PSPC1: variants seen among roughly 807,000 people sequenced by gnomAD.
The protein encoded by PSPC1 is paraspeckle protein 1.
A neutral mutation model predicts 51.6 loss-of-function variants in PSPC1; 14 were observed. The observed-to-expected ratio is 0.27, with a 90% CI of 0.18 to 0.42. The LOEUF is 0.42. PSPC1 is among the 10% of genes least tolerant of loss of function. The probability of loss-of-function intolerance (pLI) is 1.00; values close to 1 mark genes in which losing one functional copy is unlikely to be tolerated. For missense variants in PSPC1, 406 were observed against 701.1 expected (o/e 0.58, Z 4.75); for synonymous variants, 193 against 231.9 (o/e 0.83, Z 1.53).
At chr13:19,722,646 T>C (rs1882909555) in intron 6 of PSPC1, among the ~76,000 whole-genome samples, 1 of 151,230 alleles carries the variant, frequency 6.6e-6, no homozygotes, top group African/African-American at 2.4e-5. Context: ...ATACAAAAAT[T>C]AGCTGGGCAT....
chr13:19,688,112 G>A (rs1238966980), intron 6 of PSPC1, among the ~76,000 whole-genome samples: 3 of 151,860 alleles, frequency 2.0e-5, no homozygotes, highest in African/African-American at 7.3e-5. Context: ...CTTTTGTTCT[G>A]AATGGTCGTC....
intron 6 of PSPC1, among the ~76,000 whole-genome samples, chr13:19,684,930 A>T (rs1357600761): frequency 6.6e-6 from 1 of 152,270 alleles, no homozygotes; most frequent in Non-Finnish European, 1.5e-5. Context: ...ATAGAATGAC[A>T]ACACATCTTC....
intron 6 of PSPC1, among the ~76,000 whole-genome samples, chr13:19,683,121 T>C (rs1877468151): frequency 6.6e-6 from 1 of 150,668 alleles, no homozygotes; most frequent in African/African-American, 2.4e-5. Flanking sequence ...ACTCTAAGAG[T>C]TTCTAAGAAA....
chr13:19,737,313 C>T (rs990434285), intron 5 of PSPC1: 1 of 152,126 alleles, frequency 6.6e-6, no homozygotes, highest in Non-Finnish European at 1.5e-5. Context: ...TGCATTTAGT[C>T]GTTATTTCTC....
At chr13:19,764,890 T>C (rs1566043839) in intron 2 of PSPC1, among the ~76,000 whole-genome samples, 1 of 151,918 alleles carries the variant, frequency 6.6e-6, no homozygotes. Context: ...TGCACCACCA[T>C]GCTTAGCTAA....
chr13:19,764,208 C>G (rs191568123), intron 2 of PSPC1, among the ~76,000 whole-genome samples: 1 of 152,216 alleles, frequency 6.6e-6, no homozygotes, highest in East Asian at 1.9e-4. Flanking sequence ...GAGAGGAGCT[C>G]TGATCACATT....
chr13:19,694,306 T>C (rs1878956469), intron 6 of PSPC1, among the ~76,000 whole-genome samples: 1 of 151,930 alleles, frequency 6.6e-6, no homozygotes, highest in Non-Finnish European at 1.5e-5. Context: ...AAAATTAAAA[T>C]GTGACTAAAT....
At chr13:19,682,535 AAG>A (rs1466235287) in intron 6 of PSPC1, among the ~76,000 whole-genome samples, 29 of 151,574 alleles carry the variant, frequency 1.9e-4, no homozygotes, top group Non-Finnish European at 1.3e-4. Context: ...TCAACATCAG[AAG>A]TTATCGGAAA....
Position 19,741,242 on chromosome 13 carries a change from A to T in PSPC1, c.1052+323T>A, listed in dbSNP as rs575204571. Among the ~76,000 whole-genome samples the T allele has an allele frequency of 3.2e-4, 49 of 152,324 alleles. 1 individual carries two copies. Among genetic ancestry groups the T allele is most frequent in the African/African-American group, 1.1e-3 (46 of 41,580 alleles). On this transcript the variant is annotated intron_variant, in intron 5 of 8. Transcript: ENST00000338910. ...AAAGATATTCATAGTAGAGTTTTAC[A>T]CATAACAAAATAAATAAGAGCAACG...
chr13:19,672,040 C>CT, downstream of PSPC1: 1 of 666,034 alleles, frequency 1.5e-6, no homozygotes, highest in Non-Finnish European at 2.6e-6. Flanking sequence ...ATAGCTGTGT[C>CT]TGTGCCAGTA....
intron 6 of PSPC1, among the ~76,000 whole-genome samples, chr13:19,681,223 A>G (rs1877237368): frequency 6.6e-6 from 1 of 152,140 alleles, no homozygotes; most frequent in African/African-American, 2.4e-5. Context: ...TCTAAAAAAG[A>G]ATAAAATAAA....
intron 5 of PSPC1, among the ~76,000 whole-genome samples, chr13:19,731,257 A>T (rs1362554867): frequency 1.3e-5 from 2 of 152,184 alleles, no homozygotes; most frequent in Non-Finnish European, 2.9e-5. Context: ...TAAGAGGAAA[A>T]ATCTATATAG....
chr13:19,718,139 G>A (rs1882349510), intron 6 of PSPC1, among the ~76,000 whole-genome samples: 1 of 152,116 alleles, frequency 6.6e-6, no homozygotes, highest in African/African-American at 2.4e-5. Flanking sequence ...CTAATCAATA[G>A]TGAATGCTTG....
chr13:19,724,815 A>C (rs945801503), intron 6 of PSPC1, among the ~76,000 whole-genome samples: 34 of 152,280 alleles, frequency 2.2e-4, no homozygotes, highest in African/African-American at 7.7e-4. Flanking sequence ...CCTGGCCAAC[A>C]TGGTGAAACC....
At chr13:19,734,976 T>G (rs554175835) in intron 5 of PSPC1, among the ~76,000 whole-genome samples, 1 of 139,054 alleles carries the variant, frequency 7.2e-6, no homozygotes, top group East Asian at 2.2e-4. Flanking sequence ...AGACTCCGTC[T>G]CAAAAAATCA....
At chr13:19,671,250 TA>T (rs761578019), downstream of PSPC1, 3 of 1,614,136 alleles carry the variant, frequency 1.9e-6, no homozygotes, top group Admixed American at 5.0e-5. Flanking sequence ...CAGGTCCCAA[TA>T]AACTCTTCAT....
At chr13:19,678,479 A>T (rs1876910132) in intron 6 of PSPC1, 1 of 152,218 alleles carries the variant, frequency 6.6e-6, no homozygotes, top group Non-Finnish European at 1.5e-5. Context: ...TGGGACACAT[A>T]AACATACAGC....
rs187836450 is a variant in PSPC1, at chr13:19,682,890, C to T, written c.1159-5067G>A. 3.9e-3 allele frequency among the ~76,000 whole-genome samples: 587 copies of T among 151,536 alleles called. 4 individuals are homozygous for T. The highest frequency in any genetic ancestry group is 8.4e-3 in the South Asian group (40 of 4,782). On this transcript the variant is annotated intron_variant and NMD_transcript_variant, in intron 6 of 7. Coordinates refer to the PSPC1 transcript ENST00000471658. ...CAACCTGGGTAACATAGTGAGAGACCCTGTCTCTCACTAAAAAAAAAAAAT... is the reference window on the plus strand; with the variant it reads ...CAACCTGGGTAACATAGTGAGAGACTCTGTCTCTCACTAAAAAAAAAAAAT...
chr13:19,706,687 T>C (rs539295038), intron 7 of PSPC1, among the ~76,000 whole-genome samples: 1 of 151,894 alleles, frequency 6.6e-6, no homozygotes, highest in Admixed American at 6.5e-5. Flanking sequence ...TGAAAAATTT[T>C]TTCCCTTTTA....
Sources: gnomAD v4.1 joint callset for allele counts (sites outside exome capture counted in the v4.1 genomes callset) on GRCh38, gnomAD v4.1.1 for gene constraint, MANE v1.5 for transcripts, NCBI Gene and HGNC (gene_info 2026-07-23, HGNC 2026-07-21) for gene names.